EGR4: variants seen among roughly 807,000 people sequenced by gnomAD.
The protein encoded by EGR4 is early growth response protein 4.
In EGR4, 22 loss-of-function variants were observed where a neutral mutation model predicts 25.4. The ratio of observed to expected loss-of-function variants is 0.87; its 90% CI spans 0.62 to 1.24. The LOEUF is 1.24. Ranked by LOEUF, EGR4 falls within the 50% of genes most tolerant of loss-of-function variation. EGR4 has a pLI of 0.00. For synonymous variants in EGR4, 375 were observed against 320.1 expected (o/e 1.17, Z -1.83); for missense variants, 742 against 702.9 (o/e 1.06, Z -0.63).
intron 1 of EGR4, 96 bp downstream of exon 1, chr2:73,293,086 C>A: frequency 8.0e-7 from 1 of 1,246,108 alleles, no homozygotes; most frequent in South Asian, 2.0e-5. Flanking sequence ...CCCCTATTCT[C>A]ATAGCTCCAA....
At position 73,292,260 on chromosome 2, in the gene EGR4, C is replaced by T; in HGVS notation, c.658G>A (p.Gly220Arg). The change falls in exon 2 of 2, where the codon GGG (glycine) becomes AGG (arginine). Residue 220 changes from glycine (G) to arginine (R), a missense_variant. Gly to Arg is a moderately radical substitution (Grantham distance 125). Transcript: ENST00000436467. ...GCGGCCTGGTAGTCTCCCTGTGACC[C>T]ACAGTTCCCTGGGGCCCCCACAGAA... ...LLSVGAPGNC[G>R]SQGDYQAAPE... The T allele has an allele frequency of 1.9e-6, 3 of 1,611,458 alleles. No homozygotes were observed. The highest frequency in any genetic ancestry group is 2.5e-6 in the Non-Finnish European group (3 of 1,178,900).
In EGR4 at chr2:73,291,268, G is replaced by T. The variant is rs1574398900; in HGVS notation, c.*189C>A. Reference sequence around the variant, plus strand: ...TGACAAGGGTGACAGCGCCTGGACCGCGGGAACTGTCCGCGGAGCTGGTGC... The same window carrying T: ...TGACAAGGGTGACAGCGCCTGGACCTCGGGAACTGTCCGCGGAGCTGGTGC... On this transcript the variant is annotated 3_prime_UTR_variant, in exon 2 of 2. Coordinates refer to ENST00000436467, the MANE Select transcript of EGR4 (RefSeq NM_001965.4). The T allele has an allele frequency of 6.2e-6, 5 of 807,512 alleles. No homozygotes were observed. The African/African-American group carries it at 7.0e-5, about 11-fold the overall frequency. The allele number at this position is 807,512 out of a possible 1,614,324, so 50.0% of individuals were successfully genotyped here. A position where few individuals can be genotyped will look rare whatever the true frequency, so the allele number is the denominator to read the frequency against.
chr2:73,292,293 C>T lies in EGR4; in HGVS notation c.625G>A (p.Glu209Lys). 1 of 1,608,328 alleles carries T rather than the reference C, an allele frequency of 6.2e-7. No individual in the cohort carries two copies. The highest frequency in any genetic ancestry group is 8.5e-7 in the Non-Finnish European group (1 of 1,176,452). Reference sequence around the variant, plus strand: ...CCTGGGGCCCCCACAGAAAGCAGCTCCCAGGGCGCGTAGGGACCCTTGAAG... The same window carrying T: ...CCTGGGGCCCCCACAGAAAGCAGCTTCCAGGGCGCGTAGGGACCCTTGAAG... ...SAFKGPYAPW[E>K]LLSVGAPGNC... Residue 209 changes from glutamate to lysine, a missense_variant, in exon 2 of 2, where the codon GAG (glutamate) becomes AAG (lysine). Transcript: ENST00000436467.
Position 73,291,256 on chromosome 2 carries a change from A to G in EGR4, c.*201T>C. On this transcript the variant is annotated 3_prime_UTR_variant, in exon 2 of 2. Coordinates refer to ENST00000436467, the MANE Select transcript of EGR4 (RefSeq NM_001965.4). The stretch of plus-strand genomic sequence containing the variant: ...CCAAAGCGCGGCTGACAAGGGTGAC[A>G]GCGCCTGGACCGCGGGAACTGTCCG... The G allele has an allele frequency of 1.4e-6, 1 of 711,814 alleles. No individual in the cohort carries two copies. Among genetic ancestry groups the G allele is most frequent in the Non-Finnish European group, 2.2e-6 (1 of 451,050 alleles). The allele number at this position is 711,814 out of a possible 1,614,324, so 44.1% of individuals were successfully genotyped here. A position where few individuals can be genotyped will look rare whatever the true frequency, so the allele number is the denominator to read the frequency against.
At position 73,291,671 on chromosome 2, in the gene EGR4, A is replaced by G; in HGVS notation, c.1247T>C (p.Leu416Pro). ...GHKPFQCRIC[L>P]RNFSRSDHLT... ...GTGGTCGCTGCGGCTGAAGTTGCGG[A>G]GGCAGATGCGGCACTGGAAGGGTTT... The change falls in exon 2 of 2, where the codon CTC becomes CCC. Residue 416 changes from leucine (L) to proline (P), a missense_variant. Coordinates refer to ENST00000436467, the MANE Select transcript of EGR4 (RefSeq NM_001965.4). The G allele has an allele frequency of 1.2e-6, 2 of 1,611,018 alleles. No homozygotes were observed. Among genetic ancestry groups the G allele is most frequent in the Non-Finnish European group, 8.5e-7 (1 of 1,179,884 alleles).
intron 1 of EGR4, 152 bp from the exon 2 acceptor site, chr2:73,292,933 C>T: frequency 2.9e-6 from 3 of 1,050,118 alleles, no homozygotes; most frequent in South Asian, 6.7e-5. Context: ...TCCCAAGGAG[C>T]ACATAGAAAC....
intron 1 of EGR4, among the ~76,000 whole-genome samples, 171 bp from the exon 2 acceptor site, chr2:73,292,952 G>A (rs773544211): frequency 1.6e-4 from 25 of 152,354 alleles, no homozygotes; most frequent in Admixed American, 2.6e-4. Context: ...ACATGCACAC[G>A]CAAAACACAC....
In EGR4 at chr2:73,292,533, G is replaced by C. The variant is rs1042736577; in HGVS notation, c.385C>G (p.Pro129Ala). Residue 129 changes from proline (P) to alanine (A), a missense_variant, in exon 2 of 2, where the codon CCT becomes GCT. By Grantham distance (27) the Pro-to-Ala change is conservative. Transcript: ENST00000436467. ...AAGGCATCGGACCCCGCAGGAAAAG[G>C]GGCATCCAGCGGGGATCTGGACGCT... The part of the protein sequence containing the change: ...AAASRSPLDA[P>A]FPAGSDALLP... The C allele has an allele frequency of 6.6e-7, 1 of 1,516,776 alleles. No homozygotes were observed. Among genetic ancestry groups the C allele is most frequent in the African/African-American group, 1.4e-5 (1 of 71,802 alleles). The allele number at this position is 1,516,776 out of a possible 1,614,324, so 94.0% of individuals were successfully genotyped here. A position where few individuals can be genotyped will look rare whatever the true frequency, so the allele number is the denominator to read the frequency against.
chr2:73,291,960 C>A lies in EGR4; in HGVS notation c.958G>T (p.Ala320Ser). ...QLSPLGLRSAAAADFPKPLVA... is the reference protein window; with the variant it reads ...QLSPLGLRSASAADFPKPLVA... ...AGAGGTTTAGGGAAGTCCGCCGCGG[C>A]GGCGCTGCGAAGGCCCAGCGGGGAA... Residue 320 changes from alanine to serine, a missense_variant, in exon 2 of 2, where the codon GCC becomes TCC. Ala to Ser is a moderately conservative substitution (Grantham distance 99). Coordinates refer to ENST00000436467, the MANE Select transcript of EGR4 (RefSeq NM_001965.4). The A allele has an allele frequency of 8.8e-6, 14 of 1,592,684 alleles. No homozygotes were observed. The highest frequency in any genetic ancestry group is 1.1e-5 in the Non-Finnish European group (13 of 1,171,092).
Position 73,292,728 on chromosome 2 carries a change from C to A in EGR4, c.190G>T (p.Ala64Ser). 1 of 1,482,684 alleles carries A rather than the reference C, an allele frequency of 6.7e-7. No individual in the cohort carries two copies. The highest frequency in any genetic ancestry group is 9.0e-7 in the Non-Finnish European group (1 of 1,115,794). 91.8% of individuals were successfully genotyped at this position (1,482,684 alleles called of 1,614,324 possible). ...LNSCGASGDLADSCFLEGPAP... is the reference protein window; with the variant it reads ...LNSCGASGDLSDSCFLEGPAP... The stretch of plus-strand genomic sequence containing the variant: ...GGCCCCTCCAGGAAGCAGGAGTCGG[C>A]TAAGTCCCCACTTGCGCCGCAGCTG... The change falls in exon 2 of 2, where the codon GCC (alanine) becomes TCC (serine). Residue 64 changes from alanine to serine, a missense_variant. Physicochemically the swap from Ala to Ser is moderately conservative, Grantham distance 99. Coordinates refer to ENST00000436467, the MANE Select transcript of EGR4 (RefSeq NM_001965.4).
In EGR4 at chr2:73,292,126, C is replaced by T. The variant is rs1558599735; in HGVS notation, c.792G>A (p.Gly264=). ...GGGCCAGCGGGAAAGCGTCATAGGC[C>T]CCGCTGGGATAGAGTCTGTTGGCTG... is the stretch of plus-strand genomic sequence containing the variant. ...AVPANRLYPS[G]AYDAFPLAPG... Residue 264 remains glycine (G), a synonymous_variant, in exon 2 of 2, where the codon GGG becomes GGA. Transcript: ENST00000436467. The T allele has an allele frequency of 3.8e-6, 6 of 1,599,062 alleles. No individual in the cohort carries two copies. The East Asian group carries it at 1.4e-4, about 36-fold the overall frequency.
Position 73,293,282 on chromosome 2 carries a change from C to G in EGR4, c.36G>C (p.Ala12=), listed in dbSNP as rs768526709. Residue 12 remains alanine (A), a synonymous_variant, in exon 1 of 2, where the codon GCG becomes GCC. Transcript: ENST00000436467. ...AGCCTTCAGTGGACTTGACGAGGAGCGCGTCGGGTTCGGAAAACTCGCTAA... is the reference window on the plus strand; with the variant it reads ...AGCCTTCAGTGGACTTGACGAGGAGGGCGTCGGGTTCGGAAAACTCGCTAA... ...LHLSEFSEPD[A]LLVKSTEGCC... The G allele has an allele frequency of 1.9e-6, 3 of 1,589,716 alleles. No individual in the cohort carries two copies. The South Asian group carries it at 3.5e-5, about 18-fold the overall frequency.
At position 73,291,872 on chromosome 2, in the gene EGR4, G is replaced by A. The variant is rs1021588157; in HGVS notation, c.1046C>T (p.Thr349Ile). ...AAPPVPPPPPTPFPQAKARRK... is the reference protein window; with the variant it reads ...AAPPVPPPPPIPFPQAKARRK... ...TCGCGCCTTGGCCTGGGGGAAAGGGGTGGGCGGCGGCGGCGGCACGGGTGG... is the reference window on the plus strand; with the variant it reads ...TCGCGCCTTGGCCTGGGGGAAAGGGATGGGCGGCGGCGGCGGCACGGGTGG... The change falls in exon 2 of 2, where the codon ACC (threonine) becomes ATC (isoleucine). Residue 349 changes from threonine (T) to isoleucine (I), a missense_variant. Physicochemically the swap from Thr to Ile is moderately conservative, Grantham distance 89. Coordinates refer to ENST00000436467, the MANE Select transcript of EGR4 (RefSeq NM_001965.4). 1.3e-6 allele frequency: 2 copies of A among 1,577,376 alleles called. No homozygotes were observed. Among genetic ancestry groups the A allele is most frequent in the Non-Finnish European group, 8.6e-7 (1 of 1,165,988 alleles).
Position 73,293,506 on chromosome 2 carries a change from C to G in EGR4, c.-189G>C, listed in dbSNP as rs1689155682. ...GGCGCCCTCGCTCGCCCGCACCGGC[C>G]TCGGGCGGCGGCTCCTCGCCTCTCC... On this transcript the variant is annotated 5_prime_UTR_variant, in exon 1 of 2. Transcript: ENST00000436467. 1 of 1,503,270 alleles carries G rather than the reference C, an allele frequency of 6.7e-7. No homozygotes were observed. The highest frequency in any genetic ancestry group is 1.2e-5 in the South Asian group (1 of 80,160). The allele number at this position is 1,503,270 out of a possible 1,614,324, so 93.1% of individuals were successfully genotyped here.
rs1371050225 is a variant in EGR4, at chr2:73,293,266, T to G, written c.52A>C (p.Thr18Pro). 1 of 1,585,380 alleles carries G rather than the reference T, an allele frequency of 6.3e-7. No homozygotes were observed. Among genetic ancestry groups the G allele is most frequent in the Non-Finnish European group, 8.6e-7 (1 of 1,168,348 alleles). The change falls in exon 1 of 2, where the codon ACT (threonine) becomes CCT (proline). Residue 18 changes from threonine to proline, a missense_variant. Thr to Pro is a conservative substitution (Grantham distance 38). Coordinates refer to ENST00000436467, the MANE Select transcript of EGR4 (RefSeq NM_001965.4). ...SEPDALLVKSTEGCCAEPSAE... is the reference protein window; with the variant it reads ...SEPDALLVKSPEGCCAEPSAE... ...CTGGGTTCGGCGCAACAGCCTTCAG[T>G]GGACTTGACGAGGAGCGCGTCGGGT... is the stretch of plus-strand genomic sequence containing the variant.
rs777113375 is a variant in EGR4, at chr2:73,292,584, C to A, written c.334G>T (p.Ala112Ser). ...FNLMSGILGL[A>S]PFPGPEAAAS... The stretch of plus-strand genomic sequence containing the variant: ...GCTGCCTCTGGACCGGGGAAGGGTG[C>A]CAGGCCTAAGATGCCCGACATGAGG... Residue 112 changes from alanine (A) to serine (S), a missense_variant, in exon 2 of 2, where the codon GCA becomes TCA. Coordinates refer to ENST00000436467, the MANE Select transcript of EGR4 (RefSeq NM_001965.4). The A allele has an allele frequency of 6.6e-7, 1 of 1,510,346 alleles. No individual in the cohort carries two copies. Among genetic ancestry groups the A allele is most frequent in the South Asian group, 1.3e-5 (1 of 74,250 alleles). 93.6% of individuals were successfully genotyped at this position (1,510,346 alleles called of 1,614,324 possible). A position where few individuals can be genotyped will look rare whatever the true frequency, so the allele number is the denominator to read the frequency against.
Position 73,292,154 on chromosome 2 carries a change from A to C in EGR4, c.764T>G (p.Val255Gly), listed in dbSNP as rs759119822. 7.6e-5 allele frequency: 120 copies of C among 1,588,044 alleles called. No individual in the cohort carries two copies. The highest frequency in any genetic ancestry group is 1.0e-4 in the Non-Finnish European group (119 of 1,167,186). Residue 255 changes from valine (V) to glycine (G), a missense_variant, in exon 2 of 2, where the codon GTC becomes GGC. Val to Gly is a moderately radical substitution (Grantham distance 109). Coordinates refer to ENST00000436467, the MANE Select transcript of EGR4 (RefSeq NM_001965.4). ...GCTGGGATAGAGTCTGTTGGCTGGG[A>C]CGGCCGGCAGTTCCGCAGGGCAGCT... ...SISCPAELPA[V>G]PANRLYPSGA...
chr2:73,293,093 C>G, intron 1 of EGR4, 89 bp downstream of exon 1: 2 of 1,269,594 alleles, frequency 1.6e-6, no homozygotes, highest in African/African-American at 1.6e-5. Context: ...TCTCATAGCT[C>G]CAATGTCCCA....
At position 73,293,408 on chromosome 2, in the gene EGR4, G is replaced by A. The variant is rs1428919067; in HGVS notation, c.-91C>T. 4 of 1,514,162 alleles carry A rather than the reference G, an allele frequency of 2.6e-6. No homozygotes were observed. The South Asian group carries it at 3.8e-5, about 14-fold the overall frequency. The allele number at this position is 1,514,162 out of a possible 1,614,324, so 93.8% of individuals were successfully genotyped here. A position where few individuals can be genotyped will look rare whatever the true frequency, so the allele number is the denominator to read the frequency against. The stretch of plus-strand genomic sequence containing the variant: ...GGGAGGCTGGCGGTAGGGGTTCCCC[G>A]CAGCGCACAGACCTAGGCGCCCGGG... On this transcript the variant is annotated 5_prime_UTR_variant, in exon 1 of 2. Transcript: ENST00000436467.
Sources: allele counts gnomAD v4.1 joint callset (sites outside exome capture counted in the v4.1 genomes callset), GRCh38; gene constraint gnomAD v4.1.1; transcripts MANE v1.5; gene names NCBI Gene and HGNC (gene_info 2026-07-23, HGNC 2026-07-21).